PCDH15: variants seen among roughly 807,000 people sequenced by gnomAD.
PCDH15 encodes the protein protocadherin-15.
PCDH15 carries 129 observed loss-of-function variants against 178.5 expected under a neutral mutation model. That is an observed-to-expected ratio of 0.72 (90% CI 0.63 to 0.84). The LOEUF is 0.84. PCDH15 is among the 40% of genes least tolerant of loss of function. The probability of loss-of-function intolerance (pLI) is 0.00; values close to 1 mark genes in which losing one functional copy is unlikely to be tolerated. For missense variants in PCDH15, 2,230 were observed against 2,099.9 expected (o/e 1.06, Z -1.21); for synonymous variants, 800 against 732.0 (o/e 1.09, Z -1.50).
At chr10:54,655,256 AAGAGAGAGAGAGAGAGAGAGAG>A (rs1173377441) in intron 2 of PCDH15, among the ~76,000 whole-genome samples, 15 of 48,878 alleles carry the variant, frequency 3.1e-4, no homozygotes, top group African/African-American at 8.4e-4. Context: ...GAAAGAAAGA[AAGAGAGAGAGAGAGAGAGAGAG>A]AGAGAGAGAG....
At chr10:54,559,236 T>G (rs969222632) in intron 2 of PCDH15, among the ~76,000 whole-genome samples, 1 of 152,088 alleles carries the variant, frequency 6.6e-6, no homozygotes, top group East Asian at 1.9e-4. Context: ...TAGCACATCC[T>G]AAGTGCTCAA....
intron 6 of PCDH15, among the ~76,000 whole-genome samples, chr10:54,332,360 T>G (rs1021816645): frequency 8.6e-6 from 1 of 116,338 alleles, no homozygotes; most frequent in Non-Finnish European, 1.7e-5. Context: ...TATAATATAA[T>G]CTATATTATA....
At chr10:54,700,746 C>T (rs1031664777) in intron 1 of PCDH15, among the ~76,000 whole-genome samples, 1 of 151,948 alleles carries the variant, frequency 6.6e-6, no homozygotes, top group Non-Finnish European at 1.5e-5. Flanking sequence ...CTTGGCATCC[C>T]TATAGGAGAA....
intron 10 of PCDH15, among the ~76,000 whole-genome samples, chr10:54,203,656 A>G (rs1371832373): frequency 3.3e-5 from 5 of 152,082 alleles, no homozygotes; most frequent in Non-Finnish European, 7.4e-5. Flanking sequence ...TGTAATTCAA[A>G]ATTTTCTTCT....
chr10:55,272,978 C>A (rs1842484647), intron 1 of PCDH15, among the ~76,000 whole-genome samples: 1 of 151,968 alleles, frequency 6.6e-6, no homozygotes, highest in African/African-American at 2.4e-5. Context: ...TCTGTCTCCC[C>A]TATGAGACTA....
chr10:54,224,044 A>T (rs1340584438), intron 9 of PCDH15, among the ~76,000 whole-genome samples: 1 of 152,172 alleles, frequency 6.6e-6, no homozygotes, highest in East Asian at 1.9e-4. Flanking sequence ...ATACAGTATC[A>T]AATTTTTCCC....
At chr10:54,603,015 G>A (rs2092606611) in intron 2 of PCDH15, among the ~76,000 whole-genome samples, 1 of 151,988 alleles carries the variant, frequency 6.6e-6, no homozygotes, top group Admixed American at 6.6e-5. Flanking sequence ...TTTTCAAATA[G>A]TTTAAGAAAT....
chr10:55,108,725 A>C (rs1351923028), intron 2 of PCDH15, among the ~76,000 whole-genome samples: 3 of 152,102 alleles, frequency 2.0e-5, no homozygotes, highest in South Asian at 2.1e-4. Context: ...AAAAACAATA[A>C]ATTTTAGGTA....
chr10:55,132,985 G>A (rs1412973528), intron 2 of PCDH15, among the ~76,000 whole-genome samples: 1 of 152,070 alleles, frequency 6.6e-6, no homozygotes, highest in African/African-American at 2.4e-5. Context: ...AAACATTTCT[G>A]GTGAAAAAAT....
intron 2 of PCDH15, among the ~76,000 whole-genome samples, chr10:55,016,426 G>A (rs528799741): frequency 4.6e-4 from 70 of 151,982 alleles, no homozygotes; most frequent in Non-Finnish European, 9.7e-4. Context: ...CCCAGCCCCC[G>A]GTAACTGGCA....
intron 25 of PCDH15, among the ~76,000 whole-genome samples, chr10:53,933,447 G>A (rs976470019): frequency 1.3e-5 from 2 of 151,736 alleles, no homozygotes; most frequent in African/African-American, 2.4e-5. Flanking sequence ...CCTTGTGATA[G>A]TTTGCTGAGA....
rs115965082 is a variant in PCDH15 at position 54,240,527 on chromosome 10, T to A, written c.877-3596A>T. 8.0e-3 allele frequency among the ~76,000 whole-genome samples: 1,212 copies of A among 151,476 alleles called. 17 individuals are homozygous for A. The highest frequency in any genetic ancestry group is 0.028 in the African/African-American group (1,144 of 41,404). The stretch of plus-strand genomic sequence containing the variant: ...TCTGACTTTAAACCTAGAGTACCAA[T>A]CTAATAAAGGGCTAAAGATAAGAGA... On this transcript the variant is annotated intron_variant, in intron 8 of 37. Coordinates refer to ENST00000644397, the MANE Select transcript of PCDH15 (RefSeq NM_001384140.1).
intron 2 of PCDH15, among the ~76,000 whole-genome samples, chr10:55,441,554 A>T (rs905930625): frequency 3.9e-5 from 6 of 152,216 alleles, no homozygotes; most frequent in African/African-American, 1.4e-4. Flanking sequence ...TTTTCTAAGA[A>T]GTAGTGGGAT....
chr10:54,315,984 T>G (rs1256257805), intron 8 of PCDH15, among the ~76,000 whole-genome samples: 3 of 151,956 alleles, frequency 2.0e-5, no homozygotes, highest in Non-Finnish European at 4.4e-5. Flanking sequence ...TTTTGTTTTT[T>G]TTTTTGGCTG....
intron 2 of PCDH15, among the ~76,000 whole-genome samples, chr10:54,936,000 C>T (rs1490989733): frequency 6.6e-6 from 1 of 151,998 alleles, no homozygotes; most frequent in Non-Finnish European, 1.5e-5. Flanking sequence ...ACATTTTATT[C>T]ACTTCATAAA....
At chr10:55,383,652 T>C (rs1276121503) in intron 2 of PCDH15, among the ~76,000 whole-genome samples, 4 of 152,182 alleles carry the variant, frequency 2.6e-5, no homozygotes, top group Non-Finnish European at 5.9e-5. Context: ...TCTGAAGTAG[T>C]TGATTAAATC....
chr10:54,457,701 A>G (rs1027941117), intron 3 of PCDH15, among the ~76,000 whole-genome samples: 3 of 152,212 alleles, frequency 2.0e-5, no homozygotes, highest in Admixed American at 2.0e-4. Flanking sequence ...TTTTTAAAAT[A>G]CTTAAAATTT....
At chr10:54,706,550 C>T (rs571474451) in intron 1 of PCDH15, among the ~76,000 whole-genome samples, 1 of 152,114 alleles carries the variant, frequency 6.6e-6, no homozygotes, top group Non-Finnish European at 1.5e-5. Context: ...AAGTTTTACA[C>T]CTACCATACC....
intron 2 of PCDH15, among the ~76,000 whole-genome samples, chr10:55,416,299 C>G (rs1028608769): frequency 6.6e-6 from 1 of 151,686 alleles, no homozygotes; most frequent in African/African-American, 2.4e-5. Context: ...GGAACTTAAG[C>G]TATTATAGTT....
Sources: allele counts gnomAD v4.1 joint callset (sites outside exome capture counted in the v4.1 genomes callset), GRCh38; gene constraint gnomAD v4.1.1; transcripts MANE v1.5; gene names NCBI Gene and HGNC (gene_info 2026-07-23, HGNC 2026-07-21).